SIPA1L2: variants seen among roughly 807,000 people sequenced by gnomAD.
The protein encoded by SIPA1L2 is signal-induced proliferation-associated 1-like protein 2.
A neutral mutation model predicts 163.9 loss-of-function variants in SIPA1L2; 56 were observed. That is an observed-to-expected ratio of 0.34 (90% confidence interval 0.28 to 0.43). SIPA1L2 has a LOEUF of 0.43. Among genes scored for constraint, SIPA1L2 ranks in the 20% least tolerant of loss-of-function variants. The probability of loss-of-function intolerance (pLI) is 1.00; values close to 1 mark genes in which losing one functional copy is unlikely to be tolerated. For missense variants in SIPA1L2, 1,974 were observed against 2,193.5 expected, an observed-to-expected ratio of 0.90 and a Z score of 2.00; for synonymous variants, 877 against 865.7, an observed-to-expected ratio of 1.01 and a Z score of -0.23.
chr1:232,495,407 C>T (rs1025787219), intron 3 of SIPA1L2, among the ~76,000 whole-genome samples: 13 of 151,238 alleles, frequency 8.6e-5, no homozygotes, highest in Non-Finnish European at 1.3e-4. Flanking sequence ...ACTAAAAATA[C>T]AAAAAAAATT....
chr1:232,572,764 T>TACAC (rs1659855960), intron 2 of SIPA1L2, among the ~76,000 whole-genome samples: 1 of 90,444 alleles, frequency 1.1e-5, no homozygotes, highest in African/African-American at 3.3e-5. Context: ...TATATATATA[T>TACAC]ATATATATAT....
chr1:232,403,757 T>C (rs531083184), intron 20 of SIPA1L2, among the ~76,000 whole-genome samples, 186 bp from the exon 21 acceptor site: 92 of 152,172 alleles, frequency 6.0e-4, no homozygotes, highest in African/African-American at 2.0e-3. Context: ...AGCATGGAGA[T>C]TGGCTGTCCT....
chr1:232,523,733 G>C (rs777743847), intron 2 of SIPA1L2, among the ~76,000 whole-genome samples: 1 of 152,074 alleles, frequency 6.6e-6, no homozygotes, highest in Non-Finnish European at 1.5e-5. Flanking sequence ...TGAATCCACA[G>C]TGAAAACTCT....
At chr1:232,618,452 G>A (rs565922964) in intron 1 of SIPA1L2, among the ~76,000 whole-genome samples, 12 of 152,178 alleles carry the variant, frequency 7.9e-5, no homozygotes, top group Non-Finnish European at 1.6e-4. Context: ...TCAGGAGTTC[G>A]AGACCAGCCT....
intron 10 of SIPA1L2, among the ~76,000 whole-genome samples, chr1:232,452,963 T>C (rs1663674138): frequency 6.6e-6 from 1 of 152,194 alleles, no homozygotes; most frequent in African/African-American, 2.4e-5. Context: ...TACTTCTGTT[T>C]CCACAAAAAG....
At chr1:232,442,559 A>C (rs1054661099) in intron 12 of SIPA1L2, among the ~76,000 whole-genome samples, 1 of 151,868 alleles carries the variant, frequency 6.6e-6, no homozygotes, top group African/African-American at 2.4e-5. Context: ...AAAGAAAAAA[A>C]AAAAAAAAGG....
intron 22 of SIPA1L2, among the ~76,000 whole-genome samples, chr1:232,399,481 C>T (rs1365942745): frequency 2.0e-5 from 3 of 151,960 alleles, no homozygotes; most frequent in Non-Finnish European, 2.9e-5. Context: ...ACACCCTGTT[C>T]TTTCATCCCA....
intron 2 of SIPA1L2, among the ~76,000 whole-genome samples, chr1:232,554,143 C>CA (rs2102726256): frequency 6.6e-6 from 1 of 152,312 alleles, no homozygotes; most frequent in African/African-American, 2.4e-5. Context: ...AAAATGGATA[C>CA]ATTTGGTTTT....
chr1:232,452,774 T>C (rs1383226914), intron 10 of SIPA1L2, among the ~76,000 whole-genome samples: 2 of 152,226 alleles, frequency 1.3e-5, no homozygotes, highest in African/African-American at 2.4e-5. Flanking sequence ...GTTTGGGCTC[T>C]AGGCTTAAAA....
intron 2 of SIPA1L2, among the ~76,000 whole-genome samples, chr1:232,561,827 G>A (rs1474914447): frequency 6.6e-6 from 1 of 152,216 alleles, no homozygotes; most frequent in Non-Finnish European, 1.5e-5. Context: ...AGGAGCAGGA[G>A]AGAGGGATAC....
intron 2 of SIPA1L2, among the ~76,000 whole-genome samples, chr1:232,573,894 C>T (rs1659941179): frequency 6.6e-6 from 1 of 152,120 alleles, no homozygotes; most frequent in Non-Finnish European, 1.5e-5. Flanking sequence ...AAAAGCAGAT[C>T]CTTTTAAACG....
intron 2 of SIPA1L2, among the ~76,000 whole-genome samples, chr1:232,558,936 A>G (rs922227406): frequency 1.3e-5 from 2 of 152,228 alleles, no homozygotes; most frequent in African/African-American, 4.8e-5. Flanking sequence ...CACCAGTACT[A>G]AATTAATACT....
At chr1:232,495,083 T>A (rs562758315) in intron 3 of SIPA1L2, among the ~76,000 whole-genome samples, 1 of 152,122 alleles carries the variant, frequency 6.6e-6, no homozygotes, top group Non-Finnish European at 1.5e-5. Context: ...CAGAAAGAGA[T>A]CAGCAAAGGA....
At chr1:232,495,272 G>C (rs1666122403) in intron 3 of SIPA1L2, among the ~76,000 whole-genome samples, 1 of 152,128 alleles carries the variant, frequency 6.6e-6, no homozygotes. Context: ...TTTAAAAGAT[G>C]AAAGGTGGGG....
chr1:232,449,593 A>G (rs1298824683), intron 10 of SIPA1L2, among the ~76,000 whole-genome samples: 1 of 145,180 alleles, frequency 6.9e-6, no homozygotes, highest in Non-Finnish European at 1.5e-5. Context: ...CAGACCTATC[A>G]CAAAAGAGAA....
chr1:232,403,006 G>C (rs778284661), intron 21 of SIPA1L2, among the ~76,000 whole-genome samples: 1 of 151,892 alleles, frequency 6.6e-6, no homozygotes, highest in Non-Finnish European at 1.5e-5. Context: ...TTTCAGTGGA[G>C]GGCATGAGGC....
intron 2 of SIPA1L2, among the ~76,000 whole-genome samples, chr1:232,530,575 C>A (rs984718386): frequency 6.6e-6 from 1 of 151,486 alleles, no homozygotes; most frequent in Non-Finnish European, 1.5e-5. Context: ...TACTCCTTTT[C>A]GCTAAAAAAA....
At chr1:232,615,472 C>A (rs1309456755) in intron 1 of SIPA1L2, among the ~76,000 whole-genome samples, 1 of 152,108 alleles carries the variant, frequency 6.6e-6, no homozygotes, top group African/African-American at 2.4e-5. Context: ...CCCCTGGACT[C>A]CAGTGGAACT....
At chr1:232,420,816 A>G (rs532813433) in intron 18 of SIPA1L2, among the ~76,000 whole-genome samples, 2 of 152,160 alleles carry the variant, frequency 1.3e-5, no homozygotes, top group South Asian at 4.1e-4. Context: ...GCCTGAGCGA[A>G]AGAGTGAGAC....
Sources: gnomAD v4.1 joint callset for allele counts (sites outside exome capture counted in the v4.1 genomes callset) on GRCh38, gnomAD v4.1.1 for gene constraint, MANE v1.5 for transcripts, NCBI Gene and HGNC (gene_info 2026-07-23, HGNC 2026-07-21) for gene names.